Variants in MYLK observed in about 807,000 individuals in gnomAD.
MYLK encodes the protein myosin light chain kinase, smooth muscle.
A neutral mutation model predicts 203.4 loss-of-function variants in MYLK; 106 were observed. That is an observed-to-expected ratio of 0.52 (90% CI 0.45 to 0.61). MYLK has a LOEUF of 0.61. Among genes scored for constraint, MYLK ranks in the 20% least tolerant of loss-of-function variants. MYLK has a pLI of 0.00. For synonymous variants in MYLK, 867 were observed against 959.5 expected (o/e 0.90, Z 1.78); for missense variants, 2,072 against 2,442.3 (o/e 0.85, Z 3.20).
chr3:123,760,615 C>T (rs189509033), intron 4 of MYLK, among the ~76,000 whole-genome samples: 3 of 152,150 alleles, frequency 2.0e-5, no homozygotes, highest in Admixed American at 1.3e-4. Flanking sequence ...CTCCATTTCA[C>T]TCCCAGCTCT....
intron 11 of MYLK, among the ~76,000 whole-genome samples, chr3:123,730,529 A>G (rs1364252969): frequency 6.6e-6 from 1 of 152,244 alleles, no homozygotes; most frequent in Non-Finnish European, 1.5e-5. Flanking sequence ...TGGATAAACA[A>G]AACACTGTAT....
chr3:123,723,540 C>T (rs1036348143), intron 12 of MYLK, among the ~76,000 whole-genome samples: 4 of 152,226 alleles, frequency 2.6e-5, no homozygotes, highest in Non-Finnish European at 4.4e-5. Flanking sequence ...TCTGTCCAAA[C>T]ATGTGCTGAC....
chr3:123,682,012 G>T, intron 20 of MYLK: 1 of 630,604 alleles, frequency 1.6e-6, no homozygotes, highest in Non-Finnish European at 2.9e-6. Context: ...CTGGAGACAG[G>T]CTGGAGAGAG....
intron 1 of MYLK, among the ~76,000 whole-genome samples, chr3:123,882,816 C>T (rs921670462): frequency 6.6e-6 from 1 of 152,184 alleles, no homozygotes; most frequent in African/African-American, 2.4e-5. Flanking sequence ...AGGAAAATTC[C>T]ATGCTGCCCT....
chr3:123,846,286 T>C (rs1043665366), intron 2 of MYLK, among the ~76,000 whole-genome samples: 1 of 152,204 alleles, frequency 6.6e-6, no homozygotes, highest in Non-Finnish European at 1.5e-5. Flanking sequence ...AGAAAGACAG[T>C]ATAAGCACAA....
At chr3:123,870,307 G>C (rs890909481) in intron 2 of MYLK, among the ~76,000 whole-genome samples, 1 of 152,234 alleles carries the variant, frequency 6.6e-6, no homozygotes. Context: ...GACAGCACTT[G>C]AGCCCAACTC....
rs139456537 is a variant in MYLK at position 123,713,980 on chromosome 3, G to T, written c.1805-4087C>A. ...AGCAGTATAAAAATCAATGTTTTCT[G>T]ACTTTCCCAACCCAACTAACTCCTT... On this transcript the variant is annotated intron_variant, in intron 13 of 33. Coordinates refer to ENST00000360304, the MANE Select transcript of MYLK (RefSeq NM_053025.4). 3.5e-3 allele frequency among the ~76,000 whole-genome samples: 533 copies of T among 152,230 alleles called. 4 individuals are homozygous for T. The highest frequency in any genetic ancestry group is 0.012 in the African/African-American group (512 of 41,530).
In MYLK at chr3:123,713,589, G is replaced by A. The variant is rs1276939997; in HGVS notation, c.1805-3696C>T. Among the ~76,000 whole-genome samples, 10 of 13,106 alleles carry A rather than the reference G, an allele frequency of 7.6e-4. No homozygotes were observed. The South Asian group carries it at 0.014, about 19-fold the overall frequency. The allele number at this position is 13,106 out of a possible 152,430, so 8.6% of individuals were successfully genotyped here. A position where few individuals can be genotyped will look rare whatever the true frequency, so the allele number is the denominator to read the frequency against. The stretch of plus-strand genomic sequence containing the variant: ...GAAAAGAGCAACACAATGTGTGTGT[G>A]TGTGTGTGTGTGTGTGTGTGTGTGT... On this transcript the variant is annotated intron_variant, in intron 13 of 33. Transcript: ENST00000360304.
At chr3:123,647,056 G>A (rs1044287154) in intron 27 of MYLK, 168 bp downstream of exon 27, 6 of 678,840 alleles carry the variant, frequency 8.8e-6, no homozygotes, top group African/African-American at 1.8e-5. Flanking sequence ...ACAGACCTTC[G>A]GTTCTGTTTG....
intron 3 of MYLK, among the ~76,000 whole-genome samples, chr3:123,800,789 G>C (rs1392748915): frequency 2.0e-5 from 3 of 152,110 alleles, no homozygotes; most frequent in African/African-American, 7.2e-5. Context: ...TGAAGAGCTG[G>C]TATTCTTTTA....
Position 123,717,185 on chromosome 3 carries a change from T to C in MYLK, c.1804+4943A>G, listed in dbSNP as rs2061925725. Among the ~76,000 whole-genome samples the C allele has an allele frequency of 2.0e-5, 3 of 152,226 alleles. No individual in the cohort carries two copies. In the South Asian group the frequency reaches 6.2e-4, roughly 31 times the overall value. ...GTCAGGATCCATACGTTATGTTAACTGGATAGATTGTATAGTGTCCAAAGT... is the reference window on the plus strand; with the variant it reads ...GTCAGGATCCATACGTTATGTTAACCGGATAGATTGTATAGTGTCCAAAGT... On this transcript the variant is annotated intron_variant, in intron 13 of 33. Coordinates refer to ENST00000360304, the MANE Select transcript of MYLK (RefSeq NM_053025.4).
At chr3:123,860,146 G>C (rs1433484342) in intron 2 of MYLK, among the ~76,000 whole-genome samples, 1 of 152,204 alleles carries the variant, frequency 6.6e-6, no homozygotes, top group Non-Finnish European at 1.5e-5. Context: ...CTTCTGTTAT[G>C]CTGGTTAAAA....
chr3:123,724,658 C>CA (rs1412725461), intron 12 of MYLK, among the ~76,000 whole-genome samples: 1 of 152,176 alleles, frequency 6.6e-6, no homozygotes, highest in African/African-American at 2.4e-5. Flanking sequence ...GGTTCACAGG[C>CA]AATACATCAA....
intron 20 of MYLK, among the ~76,000 whole-genome samples, chr3:123,670,538 T>C (rs1168360444): frequency 6.6e-6 from 1 of 152,086 alleles, no homozygotes; most frequent in Non-Finnish European, 1.5e-5. Flanking sequence ...CAAGATCACT[T>C]GAGGCCAGGA....
chr3:123,692,932 A>G, intron 18 of MYLK, 81 bp from the exon 19 acceptor site: 1 of 1,232,190 alleles, frequency 8.1e-7, no homozygotes, highest in Non-Finnish European at 1.2e-6. Flanking sequence ...GGTGAGTGTT[A>G]CTCGCACGGG....
intron 2 of MYLK, among the ~76,000 whole-genome samples, chr3:123,871,997 A>C (rs1241552870): frequency 6.6e-6 from 1 of 151,830 alleles, no homozygotes; most frequent in Non-Finnish European, 1.5e-5. Flanking sequence ...AAAATCAATT[A>C]CTGTAATTCC....
chr3:123,645,932 C>A (rs753821212), intron 27 of MYLK, among the ~76,000 whole-genome samples: 4 of 152,072 alleles, frequency 2.6e-5, no homozygotes, highest in Non-Finnish European at 5.9e-5. Context: ...TCGCTTGAGC[C>A]CAGGAGTTCG....
At chr3:123,743,434 T>C (rs1046584853) in intron 5 of MYLK, among the ~76,000 whole-genome samples, 2 of 152,088 alleles carry the variant, frequency 1.3e-5, no homozygotes, top group African/African-American at 4.8e-5. Context: ...TAGGCTAAAA[T>C]TACTAACAGG....
Position 123,752,469 on chromosome 3 carries a change from A to G in MYLK, c.235T>C (p.Phe79Leu), listed in dbSNP as rs1301337646. ...NGQPITSGGRFLLDCGIRGTF... is the reference protein window; with the variant it reads ...NGQPITSGGRLLLDCGIRGTF... Reference sequence around the variant, plus strand: ...CCCCGGATGCCGCAATCCAGCAGGAAGCGGCCCCCGCTGGTGATGGGTTGC... The same window carrying G: ...CCCCGGATGCCGCAATCCAGCAGGAGGCGGCCCCCGCTGGTGATGGGTTGC... Residue 79 changes from phenylalanine (F) to leucine (L), a missense_variant, in exon 5 of 34, where the codon TTC becomes CTC. By Grantham distance (22) the Phe-to-Leu change is conservative (BLOSUM62 0). This residue lies in a region of MYLK where 683 missense variants were observed against 643.8 expected (regional missense o/e 1.06). Coordinates refer to ENST00000360304, the MANE Select transcript of MYLK (RefSeq NM_053025.4). The G allele has an allele frequency of 6.2e-7, 1 of 1,614,204 alleles. No homozygotes were observed. Among genetic ancestry groups the G allele is most frequent in the East Asian group, 2.2e-5 (1 of 44,864 alleles).
Sources: gnomAD v4.1 joint callset for allele counts (sites outside exome capture counted in the v4.1 genomes callset) on GRCh38, gnomAD v4.1.1 for gene constraint, gnomAD v4.1.1 regional missense constraint, MANE v1.5 for transcripts, NCBI Gene and HGNC (gene_info 2026-07-23, HGNC 2026-07-21) for gene names.